The following TENM4 variants were observed in gnomAD, a reference collection of about 807,000 sequenced individuals.
TENM4 encodes teneurin-4.
Under a neutral mutation model 243.3 loss-of-function variants are expected in TENM4, and 82 were observed. That is an observed-to-expected ratio of 0.34 (90% confidence interval 0.28 to 0.40). The LOEUF is 0.40. Ranked by LOEUF, TENM4 falls within the 10% of genes least tolerant of loss-of-function variation. The pLI is 1.00. For missense variants in TENM4, 3,138 were observed against 3,673.3 expected, an observed-to-expected ratio of 0.85 and a Z score of 3.77; for synonymous variants, 1,412 against 1,456.3, an observed-to-expected ratio of 0.97 and a Z score of 0.69.
chr11:78,924,540 A>T (rs1856515715), intron 6 of TENM4: 1 of 152,174 alleles, frequency 6.6e-6, no homozygotes, highest in African/African-American at 2.4e-5. Flanking sequence ...TCTCTCCTCC[A>T]CTAGAAAATG....
chr11:79,327,649 C>CA (rs1555049261), intron 1 of TENM4, among the ~76,000 whole-genome samples: 84 of 119,796 alleles, frequency 7.0e-4, no homozygotes, highest in Admixed American at 3.0e-3. Context: ...AATTGGAAAG[C>CA]TTTTTTTTTT....
intron 4 of TENM4, among the ~76,000 whole-genome samples, chr11:79,121,802 G>A (rs1861751038): frequency 6.6e-6 from 1 of 152,140 alleles, no homozygotes; most frequent in Non-Finnish European, 1.5e-5. Context: ...TAGGAATTCT[G>A]GACCCACTGC....
At chr11:79,411,719 C>T (rs1173085614) in intron 1 of TENM4, among the ~76,000 whole-genome samples, 1 of 152,178 alleles carries the variant, frequency 6.6e-6, no homozygotes, top group East Asian at 1.9e-4. Context: ...TTTCCTCTAT[C>T]TCATCTCCAG....
At chr11:79,400,085 C>G (rs1177311500) in intron 1 of TENM4, among the ~76,000 whole-genome samples, 1 of 141,102 alleles carries the variant, frequency 7.1e-6, no homozygotes, top group East Asian at 2.1e-4. Context: ...ACCTGGGAGA[C>G]ACATAAACAC....
At chr11:78,668,413 G>A (rs1237759078) in intron 32 of TENM4, among the ~76,000 whole-genome samples, 5 of 152,122 alleles carry the variant, frequency 3.3e-5, no homozygotes, top group Admixed American at 2.0e-4. Flanking sequence ...TTTGTAACAT[G>A]TCATGGCTTC....
intron 3 of TENM4, among the ~76,000 whole-genome samples, chr11:79,201,551 C>T (rs1306186567): frequency 6.6e-6 from 1 of 151,450 alleles, no homozygotes; most frequent in Non-Finnish European, 1.5e-5. Context: ...AAATAACACA[C>T]ATTTATTGGG....
At chr11:78,922,490 T>G (rs1403968106) in intron 6 of TENM4, among the ~76,000 whole-genome samples, 1 of 152,184 alleles carries the variant, frequency 6.6e-6, no homozygotes, top group Admixed American at 6.5e-5. Context: ...GACTTAACTC[T>G]TATGATAAAA....
At chr11:79,333,134 G>A (rs138220808) in intron 1 of TENM4, among the ~76,000 whole-genome samples, 7 of 152,260 alleles carry the variant, frequency 4.6e-5, no homozygotes, top group Non-Finnish European at 1.0e-4. Context: ...TTGCAAAGAT[G>A]TTCGGGGAGA....
chr11:79,130,619 C>T (rs187546937), intron 4 of TENM4, among the ~76,000 whole-genome samples: 63 of 152,194 alleles, frequency 4.1e-4, no homozygotes, highest in Non-Finnish European at 8.5e-4. Context: ...ATCAGGAGAT[C>T]GAGACCATCC....
chr11:79,000,276 T>G (rs1565161387), intron 6 of TENM4, among the ~76,000 whole-genome samples: 1 of 152,062 alleles, frequency 6.6e-6, no homozygotes, highest in Non-Finnish European at 1.5e-5. Flanking sequence ...GGAATAATAT[T>G]GAGATATACT....
chr11:78,840,057 C>G (rs917783985), intron 12 of TENM4, among the ~76,000 whole-genome samples: 2 of 152,174 alleles, frequency 1.3e-5, no homozygotes, highest in African/African-American at 4.8e-5. Flanking sequence ...ATAAATTGTG[C>G]TTAGGGTAAT....
chr11:79,273,471 A>C (rs1856002532), intron 2 of TENM4, among the ~76,000 whole-genome samples: 1 of 152,218 alleles, frequency 6.6e-6, no homozygotes, highest in Non-Finnish European at 1.5e-5. Context: ...ACGATAAAGA[A>C]AGAAATGGCT....
chr11:79,232,894 G>C (rs1864397372), intron 2 of TENM4, among the ~76,000 whole-genome samples: 1 of 152,198 alleles, frequency 6.6e-6, no homozygotes, highest in Admixed American at 6.5e-5. Context: ...CCTGCCCATG[G>C]CACTCCCTTG....
chr11:78,722,219 T>G (rs1855401491), intron 24 of TENM4, among the ~76,000 whole-genome samples: 1 of 152,168 alleles, frequency 6.6e-6, no homozygotes, highest in Admixed American at 6.5e-5. Flanking sequence ...CTCATCAGGT[T>G]GCACAAGCTG....
chr11:79,085,490 C>G (rs1288249563), intron 4 of TENM4, among the ~76,000 whole-genome samples: 1 of 151,744 alleles, frequency 6.6e-6, no homozygotes, highest in African/African-American at 2.4e-5. Flanking sequence ...ATGATAAACT[C>G]TCTAAGCCTC....
chr11:79,148,412 C>CTATAGAGA (rs907551911), intron 4 of TENM4, among the ~76,000 whole-genome samples: 2 of 152,042 alleles, frequency 1.3e-5, no homozygotes, highest in African/African-American at 2.4e-5. Context: ...GGCCAGGGAT[C>CTATAGAGA]TATAGAGATG....
intron 3 of TENM4, among the ~76,000 whole-genome samples, chr11:79,150,370 C>G (rs1862480245): frequency 6.6e-6 from 1 of 152,108 alleles, no homozygotes; most frequent in Admixed American, 6.6e-5. Flanking sequence ...TTATGTCTAT[C>G]AAAGCAGGCA....
intron 3 of TENM4, among the ~76,000 whole-genome samples, chr11:79,154,766 G>T (rs765583877): frequency 1.1e-4 from 16 of 152,084 alleles, no homozygotes; most frequent in African/African-American, 1.7e-4. Context: ...GAGCCCTTGT[G>T]ATCACACTTA....
rs79830120 is a variant in TENM4, at chr11:78,653,689, C to A, written c.*4369G>T. ...GAGGCTCAGCTCCTGCCAGGACGGCCGAGCGTGCTCCAGACTAGTCCTCCC... is the reference window on the plus strand; with the variant it reads ...GAGGCTCAGCTCCTGCCAGGACGGCAGAGCGTGCTCCAGACTAGTCCTCCC... On this transcript the variant is annotated 3_prime_UTR_variant, in exon 34 of 34. Transcript: ENST00000278550. 1 of 152,262 alleles carries A rather than the reference C, an allele frequency of 6.6e-6. No individual in the cohort carries two copies. Among genetic ancestry groups the A allele is most frequent in the Non-Finnish European group, 1.5e-5 (1 of 68,068 alleles). The allele number at this position is 152,262 out of a possible 1,614,324, so 9.4% of individuals were successfully genotyped here.
Sources: gnomAD v4.1 joint callset for allele counts (sites outside exome capture counted in the v4.1 genomes callset) on GRCh38, gnomAD v4.1.1 for gene constraint, MANE v1.5 for transcripts, NCBI Gene and HGNC (gene_info 2026-07-23, HGNC 2026-07-21) for gene names.